The following VRK2 variants were observed in gnomAD, a reference collection of about 807,000 sequenced individuals.
VRK2 encodes the protein VRK serine/threonine kinase 2.
In VRK2, 60 loss-of-function variants were observed where a neutral mutation model predicts 57.6. The observed-to-expected ratio is 1.04, with a 90% CI of 0.85 to 1.29. The LOEUF (loss-of-function observed/expected upper bound fraction) is 1.29. VRK2 is among the 50% of genes most tolerant of loss of function. The pLI is 0.00. For synonymous variants in VRK2, 231 were observed against 199.2 expected, an observed-to-expected ratio of 1.16 and a Z score of -1.35; for missense variants, 705 against 588.1, an observed-to-expected ratio of 1.20 and a Z score of -2.06.
At chr2:57,948,273 A>G (rs1458556838) in intron 1 of VRK2, among the ~76,000 whole-genome samples, 3 of 152,194 alleles carry the variant, frequency 2.0e-5, no homozygotes, top group Non-Finnish European at 4.4e-5. Context: ...AGTACTTCTA[A>G]TTAACATTTT....
chr2:58,055,691 G>T (rs913292742), intron 2 of VRK2, among the ~76,000 whole-genome samples: 8 of 152,192 alleles, frequency 5.3e-5, no homozygotes, highest in African/African-American at 1.9e-4. Flanking sequence ...GCAAAGTTTA[G>T]AAGAACTCCT....
intron 1 of VRK2, among the ~76,000 whole-genome samples, chr2:58,020,977 A>G (rs1222120499): frequency 6.6e-6 from 1 of 152,218 alleles, no homozygotes; most frequent in Admixed American, 6.5e-5. Flanking sequence ...GGATAAAACT[A>G]AAAATATACA....
At chr2:57,972,677 A>C (rs1672132217) in intron 1 of VRK2, among the ~76,000 whole-genome samples, 1 of 151,874 alleles carries the variant, frequency 6.6e-6, no homozygotes, top group Non-Finnish European at 1.5e-5. Flanking sequence ...TGTAAAACGC[A>C]TCCATGATTA....
chr2:58,036,562 A>G (rs1457928319), intron 3 of VRK2, among the ~76,000 whole-genome samples: 1 of 152,050 alleles, frequency 6.6e-6, no homozygotes, highest in Non-Finnish European at 1.5e-5. Context: ...TCGAGATGGT[A>G]TATGCCTTCC....
intron 1 of VRK2, among the ~76,000 whole-genome samples, chr2:57,989,722 T>G (rs923130453): frequency 6.6e-6 from 1 of 152,218 alleles, no homozygotes; most frequent in South Asian, 2.1e-4. Context: ...ATATAATAAA[T>G]GCATTTTTAT....
At chr2:58,061,940 T>G (rs1406211402) in intron 2 of VRK2, among the ~76,000 whole-genome samples, 5 of 152,042 alleles carry the variant, frequency 3.3e-5, no homozygotes. Flanking sequence ...CTGCTTTATC[T>G]GTTGCATATT....
intron 1 of VRK2, among the ~76,000 whole-genome samples, chr2:58,018,318 T>G (rs997893256): frequency 6.6e-6 from 1 of 152,146 alleles, no homozygotes; most frequent in African/African-American, 2.4e-5. Flanking sequence ...AAACCAGAAG[T>G]TTTAGAACTA....
intron 7 of VRK2, among the ~76,000 whole-genome samples, chr2:58,118,899 G>A (rs953414294): frequency 2.6e-5 from 4 of 152,182 alleles, no homozygotes; most frequent in Admixed American, 2.6e-4. Flanking sequence ...AGGGGCGGGG[G>A]TCACAAGGTG....
intron 2 of VRK2, among the ~76,000 whole-genome samples, chr2:58,052,054 A>G (rs963593284): frequency 4.6e-5 from 7 of 152,226 alleles, no homozygotes; most frequent in Non-Finnish European, 1.0e-4. Context: ...AATGCTGGGT[A>G]TAACACAGAA....
chr2:57,976,002 T>TGA (rs1558521686), intron 1 of VRK2, among the ~76,000 whole-genome samples: 1 of 152,032 alleles, frequency 6.6e-6, no homozygotes, highest in African/African-American at 2.4e-5. Context: ...CACTTATAAG[T>TGA]GAGAGCATGT....
intron 7 of VRK2, among the ~76,000 whole-genome samples, chr2:58,105,453 C>T (rs1317999477): frequency 1.3e-5 from 2 of 151,882 alleles, no homozygotes; most frequent in Non-Finnish European, 2.9e-5. Context: ...AAATGCTCAA[C>T]ATCACTAATC....
chr2:58,110,934 G>T (rs1198799381), intron 7 of VRK2, among the ~76,000 whole-genome samples: 1 of 152,206 alleles, frequency 6.6e-6, no homozygotes, highest in Non-Finnish European at 1.5e-5. Flanking sequence ...CCCAGGAAGA[G>T]TGTGGCCTTG....
chr2:58,075,743 C>G (rs1670010190), intron 2 of VRK2, among the ~76,000 whole-genome samples: 1 of 152,066 alleles, frequency 6.6e-6, no homozygotes, highest in Non-Finnish European at 1.5e-5. Context: ...CTAGAAGAGG[C>G]TGGAGTGGTT....
At chr2:58,052,833 A>G (rs529165757) in intron 2 of VRK2, among the ~76,000 whole-genome samples, 6 of 152,348 alleles carry the variant, frequency 3.9e-5, no homozygotes, top group East Asian at 1.9e-4. Context: ...TATAAGCTGT[A>G]TTTAATCTGC....
intron 1 of VRK2, among the ~76,000 whole-genome samples, chr2:57,946,240 C>G (rs1163184451): frequency 6.6e-6 from 1 of 151,776 alleles, no homozygotes; most frequent in Non-Finnish European, 1.5e-5. Context: ...TATAATAAAA[C>G]TATGTTTTAT....
chr2:57,928,483 T>C (rs558011503), intron 1 of VRK2, among the ~76,000 whole-genome samples: 4 of 152,290 alleles, frequency 2.6e-5, no homozygotes, highest in Non-Finnish European at 4.4e-5. Context: ...AACAACTATT[T>C]TGAATTCTGT....
At chr2:58,137,097 TCA>T (rs1491582939) in intron 10 of VRK2, among the ~76,000 whole-genome samples, 1 of 125,754 alleles carries the variant, frequency 8.0e-6, no homozygotes, top group Admixed American at 9.0e-5. Context: ...TGTGTATATA[TCA>T]TATATATAAC....
chr2:58,001,759 T>C (rs1242502250), intron 1 of VRK2, among the ~76,000 whole-genome samples: 1 of 151,972 alleles, frequency 6.6e-6, no homozygotes, highest in Non-Finnish European at 1.5e-5. Flanking sequence ...GAGGCAGAGG[T>C]TGCAGTGAGC....
rs1185900514 is a variant in VRK2, at chr2:58,137,211, G to T, written c.856+2012G>T. On this transcript the variant is annotated intron_variant, in intron 10 of 12. Coordinates refer to ENST00000340157, the MANE Select transcript of VRK2 (RefSeq NM_006296.7). ...TATGATACATATATATCTCATATAT[G>T]ATACATATATATCATATGATACATA... Among the ~76,000 whole-genome samples, 15 of 65,158 alleles carry T rather than the reference G, an allele frequency of 2.3e-4. 1 individual carries two copies. Among genetic ancestry groups the T allele is most frequent in the African/African-American group, 1.7e-3 (13 of 7,554 alleles). The allele number at this position is 65,158 out of a possible 152,430, so 42.7% of individuals were successfully genotyped here.
Sources: gnomAD v4.1 joint callset for allele counts (sites outside exome capture counted in the v4.1 genomes callset) on GRCh38, gnomAD v4.1.1 for gene constraint, MANE v1.5 for transcripts, NCBI Gene and HGNC (gene_info 2026-07-23, HGNC 2026-07-21) for gene names.